The following NNT variants were observed in gnomAD, a reference collection of about 807,000 sequenced individuals.
NNT encodes the protein nicotinamide nucleotide transhydrogenase.
A neutral mutation model predicts 104.8 loss-of-function variants in NNT; 50 were observed. That is an observed-to-expected ratio of 0.48 (90% CI 0.38 to 0.60). NNT has a LOEUF of 0.60. NNT is among the 20% of genes least tolerant of loss of function. The probability of loss-of-function intolerance (pLI) is 0.00; values close to 1 mark genes in which losing one functional copy is unlikely to be tolerated. For synonymous variants in NNT, 461 were observed against 490.4 expected, an observed-to-expected ratio of 0.94 and a Z score of 0.79; for missense variants, 1,131 against 1,330.7, an observed-to-expected ratio of 0.85 and a Z score of 2.33.
chr5:43,613,162 AT>A (rs1734325363), intron 3 of NNT, 25 bp downstream of exon 3: 1 of 1,535,840 alleles, frequency 6.5e-7, no homozygotes, highest in Non-Finnish European at 8.9e-7. Flanking sequence ...TTCCTCTCCC[AT>A]TTACAGCATG....
At chr5:43,636,563 A>G (rs1750940243) in intron 7 of NNT, among the ~76,000 whole-genome samples, 1 of 152,216 alleles carries the variant, frequency 6.6e-6, no homozygotes, top group African/African-American at 2.4e-5. Context: ...ACACTTTTAA[A>G]TTCTTTTGTA....
chr5:43,647,871 A>T, intron 10 of NNT: 1 of 455,278 alleles, frequency 2.2e-6, no homozygotes, highest in South Asian at 1.5e-5. Flanking sequence ...GTCTTAGCTC[A>T]TTTATTTTTT....
At chr5:43,620,228 CT>C (rs201522385) in intron 5 of NNT, among the ~76,000 whole-genome samples, 1 of 151,284 alleles carries the variant, frequency 6.6e-6, no homozygotes, top group Admixed American at 6.6e-5. Context: ...GCTTCCTGCT[CT>C]TTTTTTTTGA....
chr5:43,674,144 C>A (rs149018361), intron 17 of NNT, among the ~76,000 whole-genome samples: 2 of 151,944 alleles, frequency 1.3e-5, no homozygotes, highest in Non-Finnish European at 2.9e-5. Flanking sequence ...AGACTTTGGG[C>A]TCTGTAAAAT....
At chr5:43,621,624 G>A (rs1185158020) in intron 5 of NNT, among the ~76,000 whole-genome samples, 2 of 151,764 alleles carry the variant, frequency 1.3e-5, no homozygotes, top group African/African-American at 4.8e-5. Context: ...AGGCTGATCT[G>A]GAACTCCTGA....
At chr5:43,665,004 G>T (rs1740554153) in intron 17 of NNT, among the ~76,000 whole-genome samples, 1 of 151,924 alleles carries the variant, frequency 6.6e-6, no homozygotes, top group Non-Finnish European at 1.5e-5. Context: ...TGTCCTCAGA[G>T]ATTCTTTCCT....
At chr5:43,633,453 C>T (rs552403904) in intron 7 of NNT, among the ~76,000 whole-genome samples, 2 of 152,182 alleles carry the variant, frequency 1.3e-5, no homozygotes, top group Non-Finnish European at 2.9e-5. Context: ...CCTTGCCCTT[C>T]CCTGCTTTTT....
chr5:43,636,651 C>T (rs1432821359), intron 7 of NNT, among the ~76,000 whole-genome samples: 5 of 152,118 alleles, frequency 3.3e-5, no homozygotes. Flanking sequence ...AGCTAATGTA[C>T]ATCTATACAT....
chr5:43,697,596 A>T (rs1472621242), intron 19 of NNT, among the ~76,000 whole-genome samples: 1 of 152,210 alleles, frequency 6.6e-6, no homozygotes, highest in African/African-American at 2.4e-5. Context: ...GCTGATAAAG[A>T]CATACCTGAG....
chr5:43,669,973 TATTCAGGG>T (rs1399652170), intron 17 of NNT, among the ~76,000 whole-genome samples: 102 of 152,250 alleles, frequency 6.7e-4, no homozygotes, highest in African/African-American at 2.3e-3. Context: ...GTTATTGGTC[TATTCAGGG>T]ATTCAGCTTC....
chr5:43,665,240 A>T (rs71629186), intron 17 of NNT, among the ~76,000 whole-genome samples: 13,760 of 146,648 alleles, frequency 0.094, 751 homozygotes, highest in African/African-American at 0.14. Flanking sequence ...TATTATTATT[A>T]TTTTTTAGTA....
intron 1 of NNT, among the ~76,000 whole-genome samples, chr5:43,607,787 C>T (rs1749304116): frequency 6.6e-6 from 1 of 152,110 alleles, no homozygotes; most frequent in Non-Finnish European, 1.5e-5. Context: ...CTTTCTCCCT[C>T]TGGAGTCTGG....
intron 17 of NNT, chr5:43,666,840 G>GGCC: frequency 7.0e-7 from 1 of 1,419,872 alleles, no homozygotes; most frequent in Non-Finnish European, 9.8e-7. Flanking sequence ...CTGCAGCCTG[G>GGCC]GCCTTGGTTT....
At chr5:43,616,554 T>C (rs1161871328) in intron 4 of NNT, among the ~76,000 whole-genome samples, 1 of 152,236 alleles carries the variant, frequency 6.6e-6, no homozygotes, top group Non-Finnish European at 1.5e-5. Flanking sequence ...AGAGGAAGTT[T>C]CATCTGATGT....
intron 7 of NNT, among the ~76,000 whole-genome samples, chr5:43,639,250 T>C (rs1188631380): frequency 6.6e-6 from 1 of 152,190 alleles, no homozygotes; most frequent in Non-Finnish European, 1.5e-5. Flanking sequence ...TATTCATTTA[T>C]TGAGAAAATA....
intron 19 of NNT, among the ~76,000 whole-genome samples, chr5:43,694,608 C>T (rs1421743861): frequency 6.6e-6 from 1 of 152,162 alleles, no homozygotes. Context: ...GTTGAACCAA[C>T]CTTGCATCCC....
In NNT at chr5:43,675,626, C is replaced by T; in HGVS notation, c.2750C>T (p.Ala917Val). 1 of 1,610,440 alleles carries T rather than the reference C, an allele frequency of 6.2e-7. No individual in the cohort carries two copies. ...CATACGGAAATCAACCTTGACAATG[C>T]AATTGACATGATTCGAGAAGCTAAT... The part of the protein sequence containing the change: ...GTHTEINLDN[A>V]IDMIREANSI... The change falls in exon 18 of 22, where the codon GCA (alanine) becomes GTA (valine). Residue 917 changes from alanine to valine, a missense_variant. Physicochemically the swap from Ala to Val is moderately conservative, Grantham distance 64. Coordinates refer to ENST00000344920, the MANE Select transcript of NNT (RefSeq NM_182977.3).
At chr5:43,634,629 A>G (rs936104671) in intron 7 of NNT, among the ~76,000 whole-genome samples, 1 of 152,160 alleles carries the variant, frequency 6.6e-6, no homozygotes, top group Non-Finnish European at 1.5e-5. Flanking sequence ...TGTTATATAA[A>G]GTTTCATTTG....
chr5:43,609,398 A>G (rs1358640790), intron 2 of NNT, 52 bp downstream of exon 2: 1 of 1,561,198 alleles, frequency 6.4e-7, no homozygotes, highest in Non-Finnish European at 8.8e-7. Flanking sequence ...CATAGGAACT[A>G]ATAGATCTGA....
Sources: gnomAD v4.1 joint callset for allele counts (sites outside exome capture counted in the v4.1 genomes callset) on GRCh38, gnomAD v4.1.1 for gene constraint, MANE v1.5 for transcripts, NCBI Gene and HGNC (gene_info 2026-07-23, HGNC 2026-07-21) for gene names.